The following TP63 variants were observed in gnomAD, a reference collection of about 807,000 sequenced individuals.
TP63 encodes tumor protein 63.
TP63 carries 17 observed loss-of-function variants against 82.8 expected under a neutral mutation model. That is an observed-to-expected ratio of 0.21 (90% confidence interval 0.14 to 0.31). The LOEUF is 0.31. Ranked by LOEUF, TP63 falls within the 10% of genes least tolerant of loss-of-function variation. The pLI, the probability that TP63 is intolerant of heterozygous loss-of-function variation, is 1.00. For missense variants in TP63, 648 were observed against 895.3 expected (o/e 0.72, Z 3.52); for synonymous variants, 330 against 321.7 (o/e 1.03, Z -0.28).
chr3:189,890,893 G>A lies in TP63; in HGVS notation c.1746+11G>A. The A allele has an allele frequency of 6.2e-7, 1 of 1,611,776 alleles. No homozygotes were observed. The highest frequency in any genetic ancestry group is 1.1e-5 in the South Asian group (1 of 91,032). On this transcript the variant is annotated intron_variant, in intron 13 of 13. Coordinates refer to ENST00000264731, the MANE Select transcript of TP63 (RefSeq NM_003722.5). Reference sequence around the variant, plus strand: ...CATTACTCCATGGATGTAAGTAACTGTTAGACTTTTCTCAAATTTTATTTC... The same window carrying A: ...CATTACTCCATGGATGTAAGTAACTATTAGACTTTTCTCAAATTTTATTTC...
At chr3:189,754,338 T>C (rs1180303933) in intron 3 of TP63, among the ~76,000 whole-genome samples, 1 of 152,200 alleles carries the variant, frequency 6.6e-6, no homozygotes, top group Non-Finnish European at 1.5e-5. Context: ...ATCACCCACA[T>C]ATAACTCAAT....
the TP63 span, among the ~76,000 whole-genome samples, chr3:189,603,562 C>T: frequency 6.7e-6 from 1 of 149,636 alleles, no homozygotes; most frequent in Non-Finnish European, 1.5e-5. Context: ...TCTGCTTTTC[C>T]CTTGCCAGGA....
intron 4 of TP63, among the ~76,000 whole-genome samples, chr3:189,809,090 T>G (rs1184297187): frequency 6.6e-6 from 1 of 152,072 alleles, no homozygotes; most frequent in African/African-American, 2.4e-5. Flanking sequence ...TATTTATAAT[T>G]TATCAGTGAA....
At chr3:189,682,549 AAAAAATATATATATAT>A (rs1384167979) in intron 1 of TP63, among the ~76,000 whole-genome samples, 1,634 of 30,310 alleles carry the variant, frequency 0.054, 29 homozygotes, top group Non-Finnish European at 0.08. Context: ...AAAAAAAAAA[AAAAAATATATATATAT>A]ATATATATAT....
At chr3:189,773,864 T>A (rs929884654) in intron 3 of TP63, among the ~76,000 whole-genome samples, 13 of 151,006 alleles carry the variant, frequency 8.6e-5, no homozygotes, top group African/African-American at 2.7e-4. Flanking sequence ...GACTGGCTTA[T>A]AGTTCCCTTA....
intron 1 of TP63, among the ~76,000 whole-genome samples, chr3:189,666,492 A>G (rs922410376): frequency 2.2e-4 from 33 of 152,158 alleles, no homozygotes; most frequent in Non-Finnish European, 5.9e-5. Flanking sequence ...ATTCTAGCAA[A>G]AACAATGAAA....
At chr3:189,864,514 C>T in intron 5 of TP63, 96 bp downstream of exon 5, 2 of 919,202 alleles carry the variant, frequency 2.2e-6, no homozygotes, top group Non-Finnish European at 3.1e-6. Flanking sequence ...ATTCAGACTT[C>T]TGCACTCCGA....
At chr3:189,681,662 C>G (rs1195359706) in intron 1 of TP63, among the ~76,000 whole-genome samples, 1 of 152,156 alleles carries the variant, frequency 6.6e-6, no homozygotes, top group Non-Finnish European at 1.5e-5. Context: ...TGACTTTGAA[C>G]TCTACTGGTT....
intron 4 of TP63, among the ~76,000 whole-genome samples, chr3:189,816,309 C>T (rs563192210): frequency 1.3e-5 from 2 of 152,258 alleles, no homozygotes; most frequent in African/African-American, 4.8e-5. Context: ...AACTTAAAAT[C>T]GGCCCTGAGT....
At chr3:189,640,840 T>C (rs1344094253) in intron 1 of TP63, among the ~76,000 whole-genome samples, 1 of 152,184 alleles carries the variant, frequency 6.6e-6, no homozygotes, top group African/African-American at 2.4e-5. Flanking sequence ...TAGAACACTT[T>C]TTTAAAACAA....
chr3:189,627,348 T>C (rs1729342537), upstream of TP63, among the ~76,000 whole-genome samples: 1 of 152,164 alleles, frequency 6.6e-6, no homozygotes, highest in African/African-American at 2.4e-5. Context: ...GTTCAGCAGC[T>C]ATAATAAGAG....
intron 1 of TP63, among the ~76,000 whole-genome samples, chr3:189,723,362 C>G (rs1246506201): frequency 2.6e-5 from 4 of 152,106 alleles, no homozygotes; most frequent in Non-Finnish European, 5.9e-5. Context: ...GAGCATTTTT[C>G]TTATCTATTA....
chr3:189,790,906 G>A (rs1166360212), intron 3 of TP63, among the ~76,000 whole-genome samples: 1 of 152,146 alleles, frequency 6.6e-6, no homozygotes, highest in Non-Finnish European at 1.5e-5. Context: ...CTGTGCTATC[G>A]TATTGACCAC....
At chr3:189,889,262 A>G in intron 11 of TP63, 78 bp from the exon 12 acceptor site, 1 of 1,608,494 alleles carries the variant, frequency 6.2e-7, no homozygotes, top group Non-Finnish European at 8.5e-7. Context: ...ATAAAATTTA[A>G]CCAGACAAGA....
chr3:189,735,169 T>TA (rs1164838697), intron 1 of TP63, among the ~76,000 whole-genome samples: 1 of 152,150 alleles, frequency 6.6e-6, no homozygotes, highest in Non-Finnish European at 1.5e-5. Flanking sequence ...CCTTGGCTTC[T>TA]AAAATACCAT....
At chr3:189,627,854 G>A (rs115340066), upstream of TP63, among the ~76,000 whole-genome samples, 2,815 of 152,202 alleles carry the variant, frequency 0.018, 40 homozygotes, top group Middle Eastern at 0.044. Context: ...CTGAACACTT[G>A]GAATTGGCGA....
intron 3 of TP63, among the ~76,000 whole-genome samples, chr3:189,797,206 G>A (rs1387860056): frequency 6.6e-6 from 1 of 152,062 alleles, no homozygotes; most frequent in African/African-American, 2.4e-5. Context: ...AAGCTGTGGT[G>A]TGTTGCCAGA....
chr3:189,599,926 T>C, the TP63 span, among the ~76,000 whole-genome samples: 2 of 152,248 alleles, frequency 1.3e-5, no homozygotes, highest in African/African-American at 4.8e-5. Context: ...ATATCATTTG[T>C]ATGCATATGC....
At chr3:189,668,030 C>A (rs756826820) in intron 1 of TP63, among the ~76,000 whole-genome samples, 45 of 151,960 alleles carry the variant, frequency 3.0e-4, no homozygotes, top group Non-Finnish European at 5.7e-4. Context: ...CTTATTAAAG[C>A]GTAAAACTCA....
Sources: gnomAD v4.1 joint callset for allele counts (sites outside exome capture counted in the v4.1 genomes callset) on GRCh38, gnomAD v4.1.1 for gene constraint, MANE v1.5 for transcripts, NCBI Gene and HGNC (gene_info 2026-07-23, HGNC 2026-07-21) for gene names.